Variants in RC3H2 observed in about 807,000 individuals in gnomAD.
The protein encoded by RC3H2 is ring finger and CCCH-type domains 2.
RC3H2 carries 31 observed loss-of-function variants against 133.3 expected under a neutral mutation model. The observed-to-expected ratio is 0.23, with a 90% CI of 0.17 to 0.31. The LOEUF (loss-of-function observed/expected upper bound fraction) is 0.31. Among genes scored for constraint, RC3H2 ranks in the 10% least tolerant of loss-of-function variants. The probability of loss-of-function intolerance (pLI) is 1.00; values close to 1 mark genes in which losing one functional copy is unlikely to be tolerated. For synonymous variants in RC3H2, 517 were observed against 502.2 expected (o/e 1.03, Z -0.40); for missense variants, 1,175 against 1,437.2 (o/e 0.82, Z 2.95).
chr9:122,905,176 A>T lies in RC3H2; in HGVS notation c.-134T>A. On this transcript the variant is annotated 5_prime_UTR_variant, in exon 1 of 21. Transcript: ENST00000357244. Reference sequence around the variant, plus strand: ...AGCCCCGCGACGGCGCGGCTTGGCGACGGAGGCGCCTCGTCTCGCCGGGGC... The same window carrying T: ...AGCCCCGCGACGGCGCGGCTTGGCGTCGGAGGCGCCTCGTCTCGCCGGGGC... 2 of 985,412 alleles carry T rather than the reference A, an allele frequency of 2.0e-6. No individual in the cohort carries two copies. Among genetic ancestry groups the T allele is most frequent in the Non-Finnish European group, 1.2e-6 (1 of 829,938 alleles). The allele number at this position is 985,412 out of a possible 1,614,324, so 61.0% of individuals were successfully genotyped here. A position where few individuals can be genotyped will look rare whatever the true frequency, so the allele number is the denominator to read the frequency against.
At chr9:122,851,294 C>T in intron 19 of RC3H2, 29 bp downstream of exon 19, 1 of 1,611,420 alleles carries the variant, frequency 6.2e-7, no homozygotes, top group East Asian at 2.2e-5. Context: ...TCAAACAAAG[C>T]CTCTCAATTA....
At chr9:122,883,544 C>G (rs1831745401) in intron 4 of RC3H2, among the ~76,000 whole-genome samples, 165 bp from the exon 5 acceptor site, 1 of 152,136 alleles carries the variant, frequency 6.6e-6, no homozygotes, top group African/African-American at 2.4e-5. Flanking sequence ...AAAAAGTAAT[C>G]AAGCAAAATA....
intron 13 of RC3H2, among the ~76,000 whole-genome samples, chr9:122,857,079 C>G (rs759947812): frequency 6.6e-6 from 1 of 152,012 alleles, no homozygotes; most frequent in Non-Finnish European, 1.5e-5. Context: ...TCAAAACAAT[C>G]CAGGGGGAAG....
intron 8 of RC3H2, among the ~76,000 whole-genome samples, chr9:122,879,331 T>C (rs1269953388): frequency 2.0e-5 from 3 of 151,686 alleles, no homozygotes; most frequent in African/African-American, 7.3e-5. Flanking sequence ...GAGGCAGAGG[T>C]TGCAGTGAGC....
intron 9 of RC3H2, chr9:122,875,498 C>T: frequency 7.7e-7 from 1 of 1,293,904 alleles, no homozygotes; most frequent in South Asian, 1.9e-5. Flanking sequence ...GCTACAGTGG[C>T]ACTGCTGAGT....
At chr9:122,896,199 C>G (rs1005477457) in intron 2 of RC3H2, among the ~76,000 whole-genome samples, 53 of 151,232 alleles carry the variant, frequency 3.5e-4, no homozygotes, top group African/African-American at 1.2e-3. Context: ...GGCCTGAAAG[C>G]CAGACAAGCT....
chr9:122,886,038 C>T (rs921958016), intron 4 of RC3H2, among the ~76,000 whole-genome samples: 1 of 152,160 alleles, frequency 6.6e-6, no homozygotes, highest in Non-Finnish European at 1.5e-5. Flanking sequence ...CAGGTGTGCA[C>T]CACCATGCCC....
intron 9 of RC3H2, among the ~76,000 whole-genome samples, chr9:122,870,736 C>T (rs1831050016): frequency 6.6e-6 from 1 of 152,074 alleles, no homozygotes; most frequent in Non-Finnish European, 1.5e-5. Context: ...TTTTTAAATC[C>T]CTTCTTACCC....
At chr9:122,883,491 T>C (rs1831741578) in intron 4 of RC3H2, 112 bp from the exon 5 acceptor site, 4 of 671,992 alleles carry the variant, frequency 6.0e-6, no homozygotes, top group African/African-American at 3.8e-5. Context: ...ACCCATAATT[T>C]ATATTTAATT....
At chr9:122,870,116 T>C (rs922553407) in intron 9 of RC3H2, among the ~76,000 whole-genome samples, 3 of 152,088 alleles carry the variant, frequency 2.0e-5, no homozygotes, top group African/African-American at 7.2e-5. Flanking sequence ...GGCTCACACC[T>C]GTAATCCCAG....
rs957337526 is a variant in RC3H2 at position 122,905,286 on chromosome 9, GGCCTCCTCCTCCTCCCTCCACCTCC to G, written c.-269_-245del. On this transcript the variant is annotated 5_prime_UTR_variant, in exon 1 of 21. Transcript: ENST00000357244. The stretch of plus-strand genomic sequence containing the variant: ...TTGGCGGCGGCGAAGGCCGCGACGG[GGCCTCCTCCTCCTCCCTCCACCTCC>G]GCCTCCTCCTCCTCCTCCTCCTCAC... 7.3e-5 allele frequency: 72 copies of G among 985,900 alleles called. No homozygotes were observed. Among genetic ancestry groups the G allele is most frequent in the East Asian group, 1.1e-4 (1 of 8,802 alleles). The allele number at this position is 985,900 out of a possible 1,614,324, so 61.1% of individuals were successfully genotyped here. A position where few individuals can be genotyped will look rare whatever the true frequency, so the allele number is the denominator to read the frequency against.
chr9:122,854,005 G>C lies in RC3H2; in HGVS notation c.3064C>G (p.Arg1022Gly). ...CTTAAAAGGTTTAAGGTAAGGTGAC[G>C]GCCTTCATCCAGGGAATTCCACTTC... is the stretch of plus-strand genomic sequence containing the variant. ...QQKWNSLDEG[R>G]HLTLNLLSKE... Residue 1022 changes from arginine (R) to glycine (G), a missense_variant, in exon 18 of 21, where the codon CGT (arginine) becomes GGT (glycine). Arg to Gly is a moderately radical substitution (Grantham distance 125). Around this residue, in one of 8 missense-constraint regions of RC3H2, gnomAD observed 220 missense variants for 201.1 expected, o/e 1.09. Coordinates refer to ENST00000357244, the MANE Select transcript of RC3H2 (RefSeq NM_001100588.3). 6.2e-7 allele frequency: 1 copy of C among 1,614,188 alleles called. No individual in the cohort carries two copies. The highest frequency in any genetic ancestry group is 8.5e-7 in the Non-Finnish European group (1 of 1,180,026).
In RC3H2 at chr9:122,905,300, CCCT is replaced by C. The variant is rs1027909112; in HGVS notation, c.-261_-259del. 178 of 977,626 alleles carry C rather than the reference CCCT, an allele frequency of 1.8e-4. No homozygotes were observed. Among genetic ancestry groups the C allele is most frequent in the Non-Finnish European group, 1.9e-4 (160 of 822,462 alleles). 60.6% of individuals were successfully genotyped at this position (977,626 alleles called of 1,614,324 possible). A position where few individuals can be genotyped will look rare whatever the true frequency, so the allele number is the denominator to read the frequency against. ...GGCCGCGACGGGGCCTCCTCCTCCT[CCCT>C]CCACCTCCGCCTCCTCCTCCTCCTC... On this transcript the variant is annotated 5_prime_UTR_variant, in exon 1 of 21. Transcript: ENST00000357244.
chr9:122,873,757 C>T (rs1219485518), intron 9 of RC3H2: 1 of 152,018 alleles, frequency 6.6e-6, no homozygotes, highest in Non-Finnish European at 1.5e-5. Flanking sequence ...TGAAAACACA[C>T]ATGTAAATAA....
At chr9:122,881,750 T>C (rs1026948833) in intron 5 of RC3H2, among the ~76,000 whole-genome samples, 1 of 152,138 alleles carries the variant, frequency 6.6e-6, no homozygotes, top group Non-Finnish European at 1.5e-5. Flanking sequence ...GCCTTGACTT[T>C]CTGGGCTCAA....
At chr9:122,874,127 G>C (rs770158581) in intron 9 of RC3H2, 6 of 152,070 alleles carry the variant, frequency 3.9e-5, no homozygotes, top group Non-Finnish European at 7.4e-5. Context: ...AAAGAGGAGA[G>C]AGAAAATAAT....
intron 16 of RC3H2, 66 bp from the exon 17 acceptor site, chr9:122,854,332 C>A: frequency 7.2e-7 from 1 of 1,391,696 alleles, no homozygotes; most frequent in Non-Finnish European, 1.0e-6. Flanking sequence ...GCAGTAATAA[C>A]CATATGTTTT....
chr9:122,863,794 C>T (rs537760389), intron 10 of RC3H2, among the ~76,000 whole-genome samples: 2 of 151,798 alleles, frequency 1.3e-5, no homozygotes, highest in South Asian at 2.1e-4. Context: ...TGGCGTACAA[C>T]GGTGCGATCT....
In RC3H2 at chr9:122,880,392, C is replaced by T. The variant is rs188415152; in HGVS notation, c.960+202G>A. The T allele has an allele frequency of 1.2e-4, 84 of 691,636 alleles. No homozygotes were observed. In the East Asian group the frequency reaches 2.0e-3, roughly 17 times the overall value. 42.8% of individuals were successfully genotyped at this position (691,636 alleles called of 1,614,324 possible). A position where few individuals can be genotyped will look rare whatever the true frequency, so the allele number is the denominator to read the frequency against. ...CTTTGTAAGCCTCACTGCTTTTATG[C>T]TAGTATCATGTATTTGTTTCCCTGT... On this transcript the variant is annotated intron_variant, in intron 6 of 20. Transcript: ENST00000357244.
Sources: gnomAD v4.1 joint callset for allele counts (sites outside exome capture counted in the v4.1 genomes callset) on GRCh38, gnomAD v4.1.1 for gene constraint, gnomAD v4.1.1 regional missense constraint, MANE v1.5 for transcripts, NCBI Gene and HGNC (gene_info 2026-07-23, HGNC 2026-07-21) for gene names.